Variants in ADAMTSL1 observed in about 807,000 individuals in gnomAD.
The protein encoded by ADAMTSL1 is ADAMTS-like protein 1.
Under a neutral mutation model 201.8 loss-of-function variants are expected in ADAMTSL1, and 126 were observed. The observed-to-expected ratio is 0.62, with a 90% CI of 0.54 to 0.72. The LOEUF (loss-of-function observed/expected upper bound fraction) is 0.72. ADAMTSL1 is among the 30% of genes least tolerant of loss of function. The pLI is 0.00. For missense variants in ADAMTSL1, 2,679 were observed against 2,277.8 expected, an observed-to-expected ratio of 1.18 and a Z score of -3.59; for synonymous variants, 1,121 against 903.4, an observed-to-expected ratio of 1.24 and a Z score of -4.32.
chr9:18,347,803 A>G (rs950725218), intron 2 of ADAMTSL1, among the ~76,000 whole-genome samples: 1 of 152,128 alleles, frequency 6.6e-6, no homozygotes, highest in Non-Finnish European at 1.5e-5. Flanking sequence ...TGTTTCAAGC[A>G]CTGCTTTGTT....
At chr9:18,784,721 C>G (rs1376262254) in intron 19 of ADAMTSL1, among the ~76,000 whole-genome samples, 1 of 152,232 alleles carries the variant, frequency 6.6e-6, no homozygotes, top group Non-Finnish European at 1.5e-5. Flanking sequence ...CTCATCATCA[C>G]AGGTAACATT....
chr9:18,470,627 G>A (rs1444287706), upstream of ADAMTSL1, among the ~76,000 whole-genome samples: 1 of 152,118 alleles, frequency 6.6e-6, no homozygotes, highest in Non-Finnish European at 1.5e-5. Flanking sequence ...AAGCAGAGAG[G>A]CTCAACCTGA....
At chr9:18,397,507 C>G (rs943376327) in intron 2 of ADAMTSL1, among the ~76,000 whole-genome samples, 1 of 151,876 alleles carries the variant, frequency 6.6e-6, no homozygotes, top group Non-Finnish European at 1.5e-5. Flanking sequence ...AATAAATGAA[C>G]AAACAAAACC....
At chr9:18,308,521 A>G (rs1321440087) in intron 2 of ADAMTSL1, among the ~76,000 whole-genome samples, 2 of 152,172 alleles carry the variant, frequency 1.3e-5, no homozygotes, top group Non-Finnish European at 2.9e-5. Context: ...CACCGATCAC[A>G]CAGAAATACA....
At chr9:18,448,340 A>C (rs779488463) in intron 2 of ADAMTSL1, among the ~76,000 whole-genome samples, 1 of 152,154 alleles carries the variant, frequency 6.6e-6, no homozygotes, top group Non-Finnish European at 1.5e-5. Context: ...TGTCAGGGGA[A>C]AATTATTGCT....
chr9:18,369,841 G>T (rs1263041776), intron 2 of ADAMTSL1, among the ~76,000 whole-genome samples: 1 of 152,132 alleles, frequency 6.6e-6, no homozygotes, highest in Non-Finnish European at 1.5e-5. Context: ...ACTGTCTTTT[G>T]CAGCAACATT....
intron 2 of ADAMTSL1, among the ~76,000 whole-genome samples, chr9:18,286,421 G>T (rs897942961): frequency 1.3e-5 from 2 of 152,092 alleles, no homozygotes; most frequent in Non-Finnish European, 2.9e-5. Context: ...CTTTTTAAAA[G>T]ATACTTGACT....
At chr9:18,102,202 T>C (rs553154259) in intron 1 of ADAMTSL1, among the ~76,000 whole-genome samples, 1 of 152,360 alleles carries the variant, frequency 6.6e-6, no homozygotes, top group South Asian at 2.1e-4. Context: ...TTTTCATACA[T>C]TCAAATTTCT....
chr9:18,415,961 C>T (rs1000781548), intron 2 of ADAMTSL1, among the ~76,000 whole-genome samples: 5 of 151,888 alleles, frequency 3.3e-5, no homozygotes, highest in Admixed American at 6.6e-5. Context: ...GAATATCTCT[C>T]GCAAATGTAG....
intron 5 of ADAMTSL1, among the ~76,000 whole-genome samples, chr9:18,629,980 G>A (rs1479267670): frequency 3.1e-5 from 4 of 130,874 alleles, no homozygotes; most frequent in African/African-American, 1.3e-4. Context: ...AATATGTGCT[G>A]TTTTTTTTGT....
chr9:17,996,109 C>G (rs1300449937), intron 1 of ADAMTSL1, among the ~76,000 whole-genome samples: 1 of 151,904 alleles, frequency 6.6e-6, no homozygotes, highest in East Asian at 1.9e-4. Context: ...ATAAACTTGT[C>G]TCATCTATAT....
chr9:18,546,138 A>G (rs1339928167), intron 3 of ADAMTSL1, among the ~76,000 whole-genome samples: 1 of 152,220 alleles, frequency 6.6e-6, no homozygotes, highest in Non-Finnish European at 1.5e-5. Flanking sequence ...GGAAATTGTG[A>G]AACTTAAAGA....
At chr9:18,641,477 G>C (rs1348890298) in intron 7 of ADAMTSL1, among the ~76,000 whole-genome samples, 1 of 152,184 alleles carries the variant, frequency 6.6e-6, no homozygotes. Context: ...AGTTCACACT[G>C]ATGGGAAGCC....
At chr9:18,077,641 G>A (rs150008455) in intron 1 of ADAMTSL1, among the ~76,000 whole-genome samples, 22 of 152,308 alleles carry the variant, frequency 1.4e-4, no homozygotes, top group Admixed American at 3.9e-4. Flanking sequence ...GGAGCTGAAG[G>A]AAGGTAAACA....
At chr9:18,111,814 A>G (rs558824593) in intron 1 of ADAMTSL1, among the ~76,000 whole-genome samples, 55 of 152,302 alleles carry the variant, frequency 3.6e-4, no homozygotes, top group African/African-American at 1.2e-3. Context: ...ACCACTGGCT[A>G]TTTCCATGCA....
intron 1 of ADAMTSL1, among the ~76,000 whole-genome samples, chr9:17,931,909 T>C (rs1826809143): frequency 6.6e-6 from 1 of 152,138 alleles, no homozygotes; most frequent in South Asian, 2.1e-4. Context: ...AACAAGATGG[T>C]GAATAATCAT....
rs1250069527 is a variant in ADAMTSL1, at chr9:18,148,631, C to T, written c.88-15231C>T. ...TCCACTTCTCCCAGGATATTGATAA[C>T]AGTTGATGATTAGGTTCCAGGTAAT... is the stretch of plus-strand genomic sequence containing the variant. On this transcript the variant is annotated intron_variant, in intron 1 of 29. Transcript: ENST00000680146. 6.6e-5 allele frequency among the ~76,000 whole-genome samples: 10 copies of T among 151,882 alleles called. 1 individual carries two copies. Among genetic ancestry groups the T allele is most frequent in the Admixed American group, 6.6e-4 (10 of 15,216 alleles).
intron 2 of ADAMTSL1, among the ~76,000 whole-genome samples, chr9:18,346,056 T>C (rs1835698714): frequency 6.6e-6 from 1 of 152,142 alleles, no homozygotes; most frequent in South Asian, 2.1e-4. Flanking sequence ...TCATCTCCAA[T>C]CTGTACCTTA....
intron 1 of ADAMTSL1, among the ~76,000 whole-genome samples, chr9:17,959,280 C>T (rs1406262852): frequency 1.3e-5 from 2 of 151,980 alleles, no homozygotes; most frequent in East Asian, 3.9e-4. Context: ...TACTGTTGTA[C>T]TTTTTTCTCG....
Sources: allele counts gnomAD v4.1 joint callset (sites outside exome capture counted in the v4.1 genomes callset), GRCh38; gene constraint gnomAD v4.1.1; transcripts MANE v1.5; gene names NCBI Gene and HGNC (gene_info 2026-07-23, HGNC 2026-07-21).